Variants in LMF2 observed in about 807,000 individuals in gnomAD.
LMF2 encodes lipase maturation factor 2.
Under a neutral mutation model 81.5 loss-of-function variants are expected in LMF2, and 113 were observed. The observed-to-expected ratio is 1.39, with a 90% CI of 1.19 to 1.62. The LOEUF (loss-of-function observed/expected upper bound fraction) is 1.62. Among genes scored for constraint, LMF2 ranks in the 40% most tolerant of loss-of-function variants. LMF2 has a pLI of 0.00. For missense variants in LMF2, 1,235 were observed against 929.1 expected, an observed-to-expected ratio of 1.33 and a Z score of -4.28; for synonymous variants, 645 against 424.5, an observed-to-expected ratio of 1.52 and a Z score of -6.39.
Position 50,506,507 on chromosome 22 carries a change from G to A in LMF2, c.378-5C>T, listed in dbSNP as rs768568613. The A allele has an allele frequency of 3.2e-6, 5 of 1,560,708 alleles. No homozygotes were observed. The highest frequency in any genetic ancestry group is 4.3e-6 in the Non-Finnish European group (5 of 1,155,834). ...GTCTCTAGCAGCAGGGAGTCCCTAT[G>A]GGGAGAGCAAATAGCACCAAGAGCC... On this transcript the variant is annotated splice_polypyrimidine_tract_variant and splice_region_variant and intron_variant, in intron 3 of 13. Transcript: ENST00000474879.
rs779718146 is a variant in LMF2 at position 50,503,827 on chromosome 22, A to G, written c.1796T>C (p.Leu599Pro). The change falls in exon 13 of 14, where the codon CTC becomes CCC. Residue 599 changes from leucine to proline, a missense_variant. Coordinates refer to ENST00000474879, the MANE Select transcript of LMF2 (RefSeq NM_033200.3). ...SLGDPTLETL[L>P]RQFGLQEKSP... ...CCTTACCTGTAGTCCAAACTGCCTG[A>G]GCAGCGTCTCCAGCGTGGGGTCCCC... 2.5e-6 allele frequency: 4 copies of G among 1,605,710 alleles called. No homozygotes were observed. Among genetic ancestry groups the G allele is most frequent in the Non-Finnish European group, 3.4e-6 (4 of 1,179,394 alleles).
chr22:50,503,753 C>T (rs1414779717), intron 13 of LMF2, 54 bp from the exon 14 acceptor site: 30 of 1,591,690 alleles, frequency 1.9e-5, no homozygotes, highest in Middle Eastern at 1.7e-4. Flanking sequence ...GGGTTTACCC[C>T]GGGAGGCTGG....
chr22:50,504,652 C>T lies in LMF2; in HGVS notation c.1513G>A (p.Asp505Asn). Residue 505 changes from aspartate to asparagine, a missense_variant, in exon 11 of 14, where the codon GAC becomes AAC. Transcript: ENST00000474879. ...PVVVPHQPRL[D>N]WQMWFAALGP... ...AGGGCTGCAAACCACATCTGCCAGTCCAGGCGTGGCTGGTGGGGCACCACA... is the reference window on the plus strand; with the variant it reads ...AGGGCTGCAAACCACATCTGCCAGTTCAGGCGTGGCTGGTGGGGCACCACA... 6.2e-7 allele frequency: 1 copy of T among 1,608,956 alleles called. No homozygotes were observed.
Position 50,505,745 on chromosome 22 carries a change from G to T in LMF2, c.845C>A (p.Thr282Asn), listed in dbSNP as rs745999102. The change falls in exon 6 of 14, where the codon ACC becomes AAC. Residue 282 changes from threonine to asparagine, a missense_variant. Physicochemically the swap from Thr to Asn is moderately conservative, Grantham distance 65. Coordinates refer to ENST00000474879, the MANE Select transcript of LMF2 (RefSeq NM_033200.3). ...NFFNLMTLVL[T>N]TALLDDQHLA... is the part of the protein sequence containing the mutation. ...GTGCTGGTCGTCCAGCAGCGCAGTG[G>T]TAAGCACCAGCGTCATCAGGTTGAA... The T allele has an allele frequency of 6.2e-7, 1 of 1,613,154 alleles. No homozygotes were observed. The highest frequency in any genetic ancestry group is 8.5e-7 in the Non-Finnish European group (1 of 1,179,926).
rs899303566 is a variant in LMF2 at position 50,503,313 on chromosome 22, G to T, written c.*78C>A. 2.9e-5 allele frequency: 43 copies of T among 1,487,662 alleles called. No individual in the cohort carries two copies. In the African/African-American group the frequency reaches 4.5e-4, roughly 15 times the overall value. The allele number at this position is 1,487,662 out of a possible 1,614,324, so 92.2% of individuals were successfully genotyped here. ...CTGCAGGGTCAGCTAAGGCACAGTG[G>T]CTGGGTCCTGTCCTGCCGGAGGCCA... On this transcript the variant is annotated 3_prime_UTR_variant, in exon 14 of 14. Coordinates refer to ENST00000474879, the MANE Select transcript of LMF2 (RefSeq NM_033200.3).
Position 50,504,931 on chromosome 22 carries a change from G to A in LMF2, c.1308C>T (p.Ala436=). ...GCTCCACGGCACCAAACAGGCGGTG[G>A]GCCCCGGTCCAGAGGCGCCCGTGGG... is the stretch of plus-strand genomic sequence containing the variant. ...PGTHGRLWTG[A]HRLFGAVEHL... Residue 436 remains alanine (A), a synonymous_variant, in exon 10 of 14, where the codon GCC becomes GCT. Coordinates refer to ENST00000474879, the MANE Select transcript of LMF2 (RefSeq NM_033200.3). 3.1e-6 allele frequency: 5 copies of A among 1,607,496 alleles called. No homozygotes were observed. Among genetic ancestry groups the A allele is most frequent in the Non-Finnish European group, 4.2e-6 (5 of 1,176,988 alleles).
chr22:50,503,439 G>T lies in LMF2; in HGVS notation c.2076C>A (p.Ala692=). The change falls in exon 14 of 14, where the codon GCC becomes GCA. Residue 692 remains alanine, a synonymous_variant. Coordinates refer to ENST00000474879, the MANE Select transcript of LMF2 (RefSeq NM_033200.3). ...TCGAACTACTGGAGCAGGGGTTGGG[G>T]GCTGCGGTGGCCTGTTCGGAGGCAG... ...SGAASEQATA[A]PNPCSSSSRT... 1.2e-6 allele frequency: 2 copies of T among 1,607,346 alleles called. No homozygotes were observed. The highest frequency in any genetic ancestry group is 1.7e-6 in the Non-Finnish European group (2 of 1,178,242).
At position 50,503,660 on chromosome 22, in the gene LMF2, G is replaced by GGGTGCTGTT; in HGVS notation, c.1846_1854dup (p.Asn616_Thr618dup). 2 of 1,594,872 alleles carry GGGTGCTGTT rather than the reference G, an allele frequency of 1.3e-6. No individual in the cohort carries two copies. Among genetic ancestry groups the GGGTGCTGTT allele is most frequent in the Non-Finnish European group, 1.7e-6 (2 of 1,174,014 alleles). Reference sequence around the variant, plus strand: ...CGAGTCCAGTGGAGGGCCTGGGCCAGGGTGCTGTTGGCGCTGCGGGTGCGA... The same window carrying GGGTGCTGTT: ...CGAGTCCAGTGGAGGGCCTGGGCCAGGGTGCTGTTGGTGCTGTTGGCGCTGCGGGTGCGA... On this transcript the variant is annotated inframe_insertion, in exon 14 of 14. Transcript: ENST00000474879.
intron 11 of LMF2, 48 bp from the exon 12 acceptor site, chr22:50,504,499 C>CCA: frequency 3.4e-6 from 5 of 1,485,196 alleles, no homozygotes; most frequent in East Asian, 2.4e-5. Flanking sequence ...CGCCCTGCCC[C>CCA]TCCCCTCCCC....
chr22:50,504,697 G>A lies in LMF2; in HGVS notation c.1468C>T (p.Leu490=). ...EIEFMYKPGN[L]SRPPPVVVPH... is the part of the protein sequence containing the mutation. ...ACCACAACCGGGGGCGGCCGGCTCA[G>A]GTTCCCAGGCTTGTACATGAACTCG... The change falls in exon 11 of 14, where the codon CTG becomes TTG. Residue 490 remains leucine, a synonymous_variant. Coordinates refer to ENST00000474879, the MANE Select transcript of LMF2 (RefSeq NM_033200.3). The A allele has an allele frequency of 6.2e-7, 1 of 1,610,032 alleles. No homozygotes were observed. Among genetic ancestry groups the A allele is most frequent in the Non-Finnish European group, 8.5e-7 (1 of 1,179,456 alleles).
rs1221486130 is a variant in LMF2, at chr22:50,506,628, C to T, written c.377+10G>A. ...AGCCTCCCACAGCCCCAGGCCCAGC[C>T]GTCACTCACCACTGGAAATAAAGGA... On this transcript the variant is annotated intron_variant, in intron 3 of 13. Coordinates refer to ENST00000474879, the MANE Select transcript of LMF2 (RefSeq NM_033200.3). The T allele has an allele frequency of 1.2e-6, 2 of 1,612,066 alleles. No homozygotes were observed. Among genetic ancestry groups the T allele is most frequent in the Non-Finnish European group, 1.7e-6 (2 of 1,179,260 alleles).
Position 50,503,856 on chromosome 22 carries a change from G to A in LMF2, c.1767C>T (p.Ser589=), listed in dbSNP as rs565729985. 9 of 1,606,136 alleles carry A rather than the reference G, an allele frequency of 5.6e-6. No individual in the cohort carries two copies. The East Asian group carries it at 8.9e-5, about 16-fold the overall frequency. The change falls in exon 13 of 14, where the codon TCC becomes TCT. Residue 589 remains serine, a synonymous_variant. Coordinates refer to ENST00000474879, the MANE Select transcript of LMF2 (RefSeq NM_033200.3). ...QWVEEFFPSV[S]LGDPTLETLL... ...GCGTCTCCAGCGTGGGGTCCCCCAG[G>A]GACACGGATGGGAAGAACTCCTCCA...
rs780810260 is a variant in LMF2, at chr22:50,503,885, A to G, written c.1738T>C (p.Trp580Arg). Reference protein sequence around the residue: ...GEQGQWWRRQWVEEFFPSVSL... With the variant: ...GEQGQWWRRQRVEEFFPSVSL... ...ACGGATGGGAAGAACTCCTCCACCC[A>G]CTGGCGCCGCCACCACTGGCTGCAG... The change falls in exon 13 of 14, where the codon TGG becomes CGG. Residue 580 changes from tryptophan to arginine, a missense_variant. Trp to Arg is a moderately radical substitution (Grantham distance 101). Coordinates refer to ENST00000474879, the MANE Select transcript of LMF2 (RefSeq NM_033200.3). 3 of 1,605,108 alleles carry G rather than the reference A, an allele frequency of 1.9e-6. No individual in the cohort carries two copies. The highest frequency in any genetic ancestry group is 3.3e-4 in the Middle Eastern group (2 of 6,056).
Position 50,506,889 on chromosome 22 carries a change from G to T in LMF2, c.241C>A (p.Leu81Met). The T allele has an allele frequency of 6.3e-7, 1 of 1,584,986 alleles. No homozygotes were observed. The highest frequency in any genetic ancestry group is 8.6e-7 in the Non-Finnish European group (1 of 1,166,572). ...GLDTAQGLEL[L>M]SLLGALVALG... ...GCCACTAGTGCACCCAGCAGGCTCA[G>T]CAGCTCCAGGCCCTGGGCCGTGTCC... The change falls in exon 2 of 14, where the codon CTG becomes ATG. Residue 81 changes from leucine to methionine, a missense_variant. Coordinates refer to ENST00000474879, the MANE Select transcript of LMF2 (RefSeq NM_033200.3).
At position 50,505,108 on chromosome 22, in the gene LMF2, G is replaced by C; in HGVS notation, c.1203C>G (p.Val401=). Residue 401 remains valine, a synonymous_variant, in exon 9 of 14, where the codon GTC becomes GTG. Transcript: ENST00000474879. ...RGWLRKLSAV[V]QLSLVGTATV... ...TCGCAGTGCCCACAAGGGACAGTTG[G>C]ACTACAGCACTGAGCTTCCGTAGCC... The C allele has an allele frequency of 6.2e-7, 1 of 1,612,958 alleles. No homozygotes were observed. The highest frequency in any genetic ancestry group is 8.5e-7 in the Non-Finnish European group (1 of 1,179,992).
Position 50,504,960 on chromosome 22 carries a change from C to T in LMF2, c.1279G>A (p.Gly427Arg), listed in dbSNP as rs201283631. The change falls in exon 10 of 14, where the codon GGG becomes AGG. Residue 427 changes from glycine (G) to arginine (R), a missense_variant. Transcript: ENST00000474879. The part of the protein sequence containing the change: ...SLVPYSYVEP[G>R]THGRLWTGAH... ...CCGGTCCAGAGGCGCCCGTGGGTCCCGGGCTCCACGTAGGAGTACGGCACC... is the reference window on the plus strand; with the variant it reads ...CCGGTCCAGAGGCGCCCGTGGGTCCTGGGCTCCACGTAGGAGTACGGCACC... 106 of 1,608,502 alleles carry T rather than the reference C, an allele frequency of 6.6e-5. No individual in the cohort carries two copies. Among genetic ancestry groups the T allele is most frequent in the Admixed American group, 2.5e-4 (15 of 59,754 alleles).
Position 50,503,850 on chromosome 22 carries a change from C to T in LMF2, c.1773G>A (p.Gly591=), listed in dbSNP as rs752764634. 3.7e-6 allele frequency: 6 copies of T among 1,606,314 alleles called. No homozygotes were observed. The South Asian group carries it at 6.6e-5, about 18-fold the overall frequency. ...VEEFFPSVSL[G]DPTLETLLRQ... is the part of the protein sequence containing the mutation. ...TGAGCAGCGTCTCCAGCGTGGGGTC[C>T]CCCAGGGACACGGATGGGAAGAACT... The change falls in exon 13 of 14, where the codon GGG becomes GGA. Residue 591 remains glycine, a synonymous_variant. Transcript: ENST00000474879.
Position 50,507,396 on chromosome 22 carries a change from G to A in LMF2, c.94+186C>T, listed in dbSNP as rs2068618841. ...CAGGTCAGAGTCCAGAGCCTTACGG[G>A]AAATGGATCACCGCACACCTTCCTA... On this transcript the variant is annotated intron_variant, in intron 1 of 13. Coordinates refer to ENST00000474879, the MANE Select transcript of LMF2 (RefSeq NM_033200.3). 3 of 640,846 alleles carry A rather than the reference G, an allele frequency of 4.7e-6. No individual in the cohort carries two copies. In the South Asian group the frequency reaches 5.4e-5, roughly 11 times the overall value. The allele number at this position is 640,846 out of a possible 1,614,324, so 39.7% of individuals were successfully genotyped here. A position where few individuals can be genotyped will look rare whatever the true frequency, so the allele number is the denominator to read the frequency against.
Position 50,506,455 on chromosome 22 carries a change from G to T in LMF2, c.425C>A (p.Pro142Gln). Residue 142 changes from proline (P) to glutamine (Q), a missense_variant, in exon 4 of 14, where the codon CCG becomes CAG. Coordinates refer to ENST00000474879, the MANE Select transcript of LMF2 (RefSeq NM_033200.3). The part of the protein sequence containing the change: ...ETGFLAVLVA[P>Q]LRPASHRKEA... ...CTTGCGGTGGGAGGCTGGCCTCAGC[G>T]GGGCCACCAGCACGGCCAGGAAGCC... 3 of 1,551,278 alleles carry T rather than the reference G, an allele frequency of 1.9e-6. No individual in the cohort carries two copies. Among genetic ancestry groups the T allele is most frequent in the Non-Finnish European group, 1.7e-6 (2 of 1,149,242 alleles).
Sources: gnomAD v4.1 joint callset for allele counts on GRCh38, gnomAD v4.1.1 for gene constraint, MANE v1.5 for transcripts, NCBI Gene and HGNC (gene_info 2026-07-23, HGNC 2026-07-21) for gene names.